The following TJP1 variants were observed in gnomAD, a reference collection of about 807,000 sequenced individuals.
TJP1 encodes tight junction protein 1.
In TJP1, 43 loss-of-function variants were observed where a neutral mutation model predicts 194.2. That is an observed-to-expected ratio of 0.22 (90% CI 0.17 to 0.29). The LOEUF is 0.29. TJP1 is among the 10% of genes least tolerant of loss of function. The pLI is 1.00. For synonymous variants in TJP1, 801 were observed against 779.0 expected, an observed-to-expected ratio of 1.03 and a Z score of -0.47; for missense variants, 1,971 against 2,185.7, an observed-to-expected ratio of 0.90 and a Z score of 1.96.
chr15:29,937,959 T>C (rs560131897), intron 2 of TJP1, among the ~76,000 whole-genome samples: 13 of 152,376 alleles, frequency 8.5e-5, no homozygotes, highest in Admixed American at 2.6e-4. Context: ...TTACCAATCT[T>C]ACTGTATCTC....
chr15:29,822,121 T>A lies in TJP1; in HGVS notation c.-93A>T. 1.7e-6 allele frequency: 2 copies of A among 1,201,532 alleles called. No individual in the cohort carries two copies. Among genetic ancestry groups the A allele is most frequent in the Non-Finnish European group, 2.1e-6 (2 of 967,072 alleles). 74.4% of individuals were successfully genotyped at this position (1,201,532 alleles called of 1,614,324 possible). On this transcript the variant is annotated 5_prime_UTR_variant, in exon 1 of 28. An upstream start codon of the reference 5' UTR is lost. Transcript: ENST00000614355. ...CCTCACGCCACAGCCCAAATAAACA[T>A]CTCCCGAGAGCGAGCGGGGCACGGG...
Position 29,737,364 on chromosome 15 carries a change from C to T in TJP1, c.1307G>A (p.Arg436Gln), listed in dbSNP as rs750758507. The T allele has an allele frequency of 4.3e-6, 7 of 1,614,044 alleles. No homozygotes were observed. The highest frequency in any genetic ancestry group is 1.3e-5 in the African/African-American group (1 of 74,916). Reference sequence around the variant, plus strand: ...TCCAACATCATTTCCACCAGCCAGCCGCAAACCCACACTATCTCCTTTTCT... The same window carrying T: ...TCCAACATCATTTCCACCAGCCAGCTGCAAACCCACACTATCTCCTTTTCT... ...KFRKGDSVGLRLAGGNDVGIF... is the reference protein window; with the variant it reads ...KFRKGDSVGLQLAGGNDVGIF... The change falls in exon 11 of 28, where the codon CGG (arginine) becomes CAG (glutamine). Residue 436 changes from arginine to glutamine, a missense_variant. Arg to Gln is a conservative substitution (Grantham distance 43). This residue lies in a region of TJP1 where 24 missense variants were observed against 54.2 expected (regional missense o/e 0.44). Transcript: ENST00000614355.
chr15:29,842,773 G>C (rs1273019817), intron 2 of TJP1, among the ~76,000 whole-genome samples: 1 of 152,126 alleles, frequency 6.6e-6, no homozygotes, highest in African/African-American at 2.4e-5. Flanking sequence ...CCTTAACCCT[G>C]CTGCCCCCAG....
Position 29,761,280 on chromosome 15 carries a change from G to A in TJP1, c.869C>T (p.Ser290Leu). ...SANASERDDISEIQSLASDHS... is the reference protein window; with the variant it reads ...SANASERDDILEIQSLASDHS... ...ATCTGATGCCAGTGACTGAATTTCT[G>A]AAATGTCTGTTAATAAAAGGGTGCT... The change falls in exon 8 of 28, where the codon TCA becomes TTA. Residue 290 changes from serine to leucine, a missense_variant. Ser to Leu is a moderately radical substitution (Grantham distance 145). Around this residue, in one of 5 missense-constraint regions of TJP1, gnomAD observed 192 missense variants for 182.3 expected, o/e 1.05. Coordinates refer to ENST00000614355, the MANE Select transcript of TJP1 (RefSeq NM_001330239.4). 1 of 1,613,794 alleles carries A rather than the reference G, an allele frequency of 6.2e-7. No individual in the cohort carries two copies.
chr15:29,733,337 A>G, intron 12 of TJP1, 24 bp from the exon 13 acceptor site: 1 of 1,478,596 alleles, frequency 6.8e-7, no homozygotes. Flanking sequence ...AAACAAACAC[A>G]TTATCAATAT....
chr15:29,712,190 A>G (rs2042284703), intron 23 of TJP1, among the ~76,000 whole-genome samples: 1 of 152,194 alleles, frequency 6.6e-6, no homozygotes, highest in South Asian at 2.1e-4. Context: ...ACTCCTGGTC[A>G]TTTTCATAAA....
chr15:29,819,603 T>C (rs1421591915), intron 1 of TJP1, among the ~76,000 whole-genome samples: 1 of 152,206 alleles, frequency 6.6e-6, no homozygotes, highest in African/African-American at 2.4e-5. Flanking sequence ...ACGGCCTTCT[T>C]TTTCCAAAAT....
intron 1 of TJP1, among the ~76,000 whole-genome samples, chr15:29,957,365 A>C (rs1477326664): frequency 6.6e-6 from 1 of 152,222 alleles, no homozygotes; most frequent in Non-Finnish European, 1.5e-5. Flanking sequence ...AATGGAAAGT[A>C]AAAGCTGCCC....
intron 15 of TJP1, chr15:29,732,224 G>GT: frequency 1.8e-6 from 1 of 569,072 alleles, no homozygotes; most frequent in South Asian, 2.3e-5. Context: ...GAAGCCAAGA[G>GT]TTTCCTAAAC....
intron 2 of TJP1, among the ~76,000 whole-genome samples, chr15:29,953,713 T>A (rs1291070282): frequency 6.6e-6 from 1 of 152,180 alleles, no homozygotes; most frequent in Non-Finnish European, 1.5e-5. Context: ...ATGTAAATTG[T>A]TGCTCCACCA....
At chr15:29,950,584 G>A (rs1357292152) in intron 2 of TJP1, among the ~76,000 whole-genome samples, 7 of 152,124 alleles carry the variant, frequency 4.6e-5, no homozygotes, top group East Asian at 1.9e-4. Flanking sequence ...CCAGGCTCTC[G>A]TACTGGTGAT....
At chr15:29,821,204 T>TA (rs1442264819) in intron 1 of TJP1, among the ~76,000 whole-genome samples, 1 of 152,184 alleles carries the variant, frequency 6.6e-6, no homozygotes, top group Non-Finnish European at 1.5e-5. Context: ...ATACACAAGT[T>TA]AGTTTCAAAG....
intron 2 of TJP1, among the ~76,000 whole-genome samples, chr15:29,929,260 T>C (rs945059005): frequency 1.3e-5 from 2 of 152,126 alleles, no homozygotes; most frequent in African/African-American, 2.4e-5. Flanking sequence ...ATAAAGGATA[T>C]TAGGAAATAC....
At chr15:29,798,401 C>T (rs903024662) in intron 2 of TJP1, among the ~76,000 whole-genome samples, 1 of 152,008 alleles carries the variant, frequency 6.6e-6, no homozygotes, top group African/African-American at 2.4e-5. Flanking sequence ...GTTATACTTA[C>T]CAGTTCGGCA....
chr15:29,942,280 G>A (rs970193709), intron 2 of TJP1, among the ~76,000 whole-genome samples: 4 of 152,160 alleles, frequency 2.6e-5, no homozygotes, highest in Non-Finnish European at 2.9e-5. Context: ...GAGAGATGAT[G>A]GCACAGGTCA....
chr15:29,945,776 A>AACACACACACACACAC (rs371167321), intron 2 of TJP1, among the ~76,000 whole-genome samples: 1 of 150,028 alleles, frequency 6.7e-6, no homozygotes, highest in African/African-American at 2.4e-5. Flanking sequence ...AAGGCTATTA[A>AACACACACACACACAC]ACACACACAC....
chr15:29,786,589 T>C (rs1422727277), intron 2 of TJP1, among the ~76,000 whole-genome samples: 1 of 152,168 alleles, frequency 6.6e-6, no homozygotes, highest in East Asian at 1.9e-4. Flanking sequence ...AACCTCAAAC[T>C]CCTGGGTTCA....
At position 29,718,397 on chromosome 15, in the gene TJP1, T is replaced by C. The variant is rs1161928165; in HGVS notation, c.3745A>G (p.Thr1249Ala). The change falls in exon 21 of 28, where the codon ACT becomes GCT. Residue 1249 changes from threonine (T) to alanine (A), a missense_variant. By Grantham distance (58) the Thr-to-Ala change is moderately conservative. Transcript: ENST00000614355. ...SNTKPLPPPPTQTEEEEDPAM... is the reference protein window; with the variant it reads ...SNTKPLPPPPAQTEEEEDPAM... ...GGATCTTCCTCTTCTTCGGTTTGAGTTGGGGGTGGAGGCAGTGGTTTGGTG... is the reference window on the plus strand; with the variant it reads ...GGATCTTCCTCTTCTTCGGTTTGAGCTGGGGGTGGAGGCAGTGGTTTGGTG... The C allele has an allele frequency of 6.2e-7, 1 of 1,613,942 alleles. No individual in the cohort carries two copies. Among genetic ancestry groups the C allele is most frequent in the Admixed American group, 1.7e-5 (1 of 59,992 alleles).
At chr15:29,890,544 A>G (rs1045588536) in intron 2 of TJP1, among the ~76,000 whole-genome samples, 5 of 152,212 alleles carry the variant, frequency 3.3e-5, no homozygotes, top group African/African-American at 1.2e-4. Context: ...AGCCAGAGGA[A>G]TGTTTCTCGG....
Sources: allele counts gnomAD v4.1 joint callset (sites outside exome capture counted in the v4.1 genomes callset), GRCh38; gene constraint gnomAD v4.1.1; regional missense constraint gnomAD v4.1.1; transcripts MANE v1.5; gene names NCBI Gene and HGNC (gene_info 2026-07-23, HGNC 2026-07-21).